BBS9: variants seen among roughly 807,000 people sequenced by gnomAD.
The protein encoded by BBS9 is protein PTHB1.
Under a neutral mutation model 117.7 loss-of-function variants are expected in BBS9, and 89 were observed. The ratio of observed to expected loss-of-function variants is 0.76; its 90% CI spans 0.64 to 0.90. The LOEUF (loss-of-function observed/expected upper bound fraction) is 0.90, where lower values mean the gene tolerates loss of function less well. Among genes scored for constraint, BBS9 ranks in the 40% least tolerant of loss-of-function variants. BBS9 has a pLI of 0.00. For missense variants in BBS9, 982 were observed against 1,042.2 expected (o/e 0.94, Z 0.80); for synonymous variants, 379 against 370.9 (o/e 1.02, Z -0.25).
intron 5 of BBS9, among the ~76,000 whole-genome samples, chr7:33,193,262 C>G (rs146444364): frequency 7.8e-4 from 118 of 152,148 alleles, no homozygotes; most frequent in Non-Finnish European, 1.4e-3. Context: ...TATTTAGCCT[C>G]CCATATCACT....
chr7:33,463,498 C>G (rs1050115676), intron 19 of BBS9, among the ~76,000 whole-genome samples: 1 of 152,018 alleles, frequency 6.6e-6, no homozygotes, highest in African/African-American at 2.4e-5. Context: ...CCCTTCCAGT[C>G]TTAAAAATTC....
At chr7:33,395,256 A>T (rs1827753434) in intron 19 of BBS9, among the ~76,000 whole-genome samples, 1 of 152,148 alleles carries the variant, frequency 6.6e-6, no homozygotes, top group South Asian at 2.1e-4. Flanking sequence ...GACTTTGTTG[A>T]TTTCACTTAT....
At chr7:33,330,558 G>C (rs1813816499) in intron 9 of BBS9, among the ~76,000 whole-genome samples, 1 of 152,068 alleles carries the variant, frequency 6.6e-6, no homozygotes, top group South Asian at 2.1e-4. Context: ...ATCTCAAAGG[G>C]AGATAAATAT....
At chr7:33,317,452 A>G (rs1208565357) in intron 9 of BBS9, among the ~76,000 whole-genome samples, 1 of 8,438 alleles carries the variant, frequency 1.2e-4, no homozygotes, top group African/African-American at 3.9e-4. Context: ...GAGAATCAAC[A>G]TCTTTTTTTT....
At chr7:33,421,244 G>A (rs1386360763) in intron 19 of BBS9, among the ~76,000 whole-genome samples, 2 of 151,914 alleles carry the variant, frequency 1.3e-5, no homozygotes, top group African/African-American at 2.4e-5. Context: ...GTACGTCCAA[G>A]GAATTTACAG....
At chr7:33,293,498 G>A (rs558084564) in intron 9 of BBS9, among the ~76,000 whole-genome samples, 1 of 152,198 alleles carries the variant, frequency 6.6e-6, no homozygotes, top group Admixed American at 6.5e-5. Context: ...ACTGTATAAT[G>A]CAGACTTGTA....
At position 33,535,284 on chromosome 7, in the gene BBS9, A is replaced by G. The variant is rs149448498; in HGVS notation, c.2521+1108A>G. On this transcript the variant is annotated intron_variant, in intron 21 of 22. Coordinates refer to ENST00000242067, the MANE Select transcript of BBS9 (RefSeq NM_198428.3). ...ACGCTTGCCCTGCCGCTGGGGCCCTATGAGTTTATCAAGCACCTAGCACAA... is the reference window on the plus strand; with the variant it reads ...ACGCTTGCCCTGCCGCTGGGGCCCTGTGAGTTTATCAAGCACCTAGCACAA... 8.5e-5 allele frequency among the ~76,000 whole-genome samples: 13 copies of G among 152,304 alleles called. No individual in the cohort carries two copies. The East Asian group carries it at 2.1e-3, about 25-fold the overall frequency.
chr7:33,175,591 A>G (rs1797229082), intron 4 of BBS9, among the ~76,000 whole-genome samples: 1 of 152,210 alleles, frequency 6.6e-6, no homozygotes, highest in Non-Finnish European at 1.5e-5. Flanking sequence ...AGTGAGGTAC[A>G]GAAACAGCTT....
intron 19 of BBS9, among the ~76,000 whole-genome samples, chr7:33,465,361 T>C (rs2128941473): frequency 6.6e-6 from 1 of 151,618 alleles, no homozygotes; most frequent in Non-Finnish European, 1.5e-5. Context: ...TGGGGTGGAG[T>C]TGTGGTGGGT....
chr7:33,237,357 A>G (rs983372952), intron 5 of BBS9, among the ~76,000 whole-genome samples: 5 of 152,128 alleles, frequency 3.3e-5, no homozygotes, highest in East Asian at 1.9e-4. Flanking sequence ...ACAATTCTAT[A>G]TTTGGATATT....
At position 33,455,021 on chromosome 7, in the gene BBS9, T is replaced by C. The variant is rs141638969; in HGVS notation, c.2116-50442T>C. 1.0e-3 allele frequency among the ~76,000 whole-genome samples: 156 copies of C among 152,324 alleles called. 2 individuals carry two copies. In the East Asian group the frequency reaches 0.03, roughly 29 times the overall value. On this transcript the variant is annotated intron_variant, in intron 19 of 22. Coordinates refer to ENST00000242067, the MANE Select transcript of BBS9 (RefSeq NM_198428.3). ...ATTCCCCTACAATTCATTTTTCTTT[T>C]GTAAAGGAGGAGCAATCCCAGTTAT...
intron 17 of BBS9, among the ~76,000 whole-genome samples, chr7:33,368,616 A>ACACACACACACACACACACC (rs996468631): frequency 5.3e-4 from 77 of 145,690 alleles, no homozygotes; most frequent in African/African-American, 1.9e-3. Context: ...ACACACACAC[A>ACACACACACACACACACACC]CCCATACCCC....
intron 2 of BBS9, among the ~76,000 whole-genome samples, chr7:33,150,303 C>G (rs996643816): frequency 6.6e-6 from 1 of 152,030 alleles, no homozygotes; most frequent in African/African-American, 2.4e-5. Flanking sequence ...TTTAAATTAT[C>G]CAATTTAATT....
chr7:33,219,227 G>A (rs1210011403), intron 5 of BBS9, among the ~76,000 whole-genome samples: 1 of 152,180 alleles, frequency 6.6e-6, no homozygotes, highest in East Asian at 1.9e-4. Flanking sequence ...CAGGGCTCGC[G>A]ACCTGCAGCC....
At chr7:33,302,937 T>G (rs775735334) in intron 9 of BBS9, among the ~76,000 whole-genome samples, 2 of 152,206 alleles carry the variant, frequency 1.3e-5, no homozygotes, top group East Asian at 3.8e-4. Flanking sequence ...CATTTTCTCT[T>G]AAATTTCTTG....
chr7:33,378,052 G>T (rs974805831), intron 17 of BBS9, among the ~76,000 whole-genome samples: 2 of 152,212 alleles, frequency 1.3e-5, no homozygotes, highest in Middle Eastern at 3.4e-3. Context: ...GGTAAATTTT[G>T]GCTGCTTGTA....
intron 13 of BBS9, chr7:33,349,373 T>C (rs1300641629): frequency 3.3e-6 from 2 of 597,876 alleles, no homozygotes; most frequent in South Asian, 1.5e-5. Flanking sequence ...CAAATTAATC[T>C]TTTACGATTA....
At chr7:33,576,060 A>G (rs1039002823) in intron 21 of BBS9, among the ~76,000 whole-genome samples, 1 of 152,198 alleles carries the variant, frequency 6.6e-6, no homozygotes, top group African/African-American at 2.4e-5. Flanking sequence ...GGCCAGGGCA[A>G]CCAGACAAGA....
At chr7:33,592,084 C>T (rs1001846770) in intron 21 of BBS9, among the ~76,000 whole-genome samples, 17 of 152,134 alleles carry the variant, frequency 1.1e-4, no homozygotes, top group African/African-American at 3.4e-4. Context: ...GGTCTACTTA[C>T]TCCATCCTCA....
Sources: gnomAD v4.1 joint callset for allele counts (sites outside exome capture counted in the v4.1 genomes callset) on GRCh38, gnomAD v4.1.1 for gene constraint, MANE v1.5 for transcripts, NCBI Gene and HGNC (gene_info 2026-07-23, HGNC 2026-07-21) for gene names.